Variants in HSF2 observed in about 807,000 individuals in gnomAD.
HSF2 encodes heat shock transcription factor 2.
Under a neutral mutation model 65.0 loss-of-function variants are expected in HSF2, and 21 were observed. That is an observed-to-expected ratio of 0.32 (90% CI 0.23 to 0.47). The LOEUF is 0.47. HSF2 is among the 20% of genes least tolerant of loss of function. The pLI is 1.00. For synonymous variants in HSF2, 225 were observed against 219.1 expected, an observed-to-expected ratio of 1.03 and a Z score of -0.24; for missense variants, 499 against 628.1, an observed-to-expected ratio of 0.79 and a Z score of 2.20.
At chr6:122,426,147 T>A (rs1402326277) in intron 10 of HSF2, among the ~76,000 whole-genome samples, 1 of 152,090 alleles carries the variant, frequency 6.6e-6, no homozygotes, top group Non-Finnish European at 1.5e-5. Flanking sequence ...TATTTTATCC[T>A]TGAATTACGC....
At chr6:122,413,218 G>C (rs1414897949) in intron 3 of HSF2, among the ~76,000 whole-genome samples, 1 of 151,974 alleles carries the variant, frequency 6.6e-6, no homozygotes, top group African/African-American at 2.4e-5. Context: ...TGTGGAATGT[G>C]GTAATAAAGA....
intron 11 of HSF2, among the ~76,000 whole-genome samples, chr6:122,429,621 T>C (rs1371932360): frequency 6.6e-6 from 1 of 152,162 alleles, no homozygotes; most frequent in Non-Finnish European, 1.5e-5. Context: ...TGAAATCTCA[T>C]TCAGTATGAT....
Position 122,432,077 on chromosome 6 carries a change from A to G in HSF2, c.1468A>G (p.Ser490Gly). 6.2e-7 allele frequency: 1 copy of G among 1,614,130 alleles called. No homozygotes were observed. The highest frequency in any genetic ancestry group is 1.1e-5 in the South Asian group (1 of 91,082). The change falls in exon 13 of 13, where the codon AGC becomes GGC. Residue 490 changes from serine to glycine, a missense_variant. By Grantham distance (56) the Ser-to-Gly change is moderately conservative (BLOSUM62 0). Around this residue, in one of 2 missense-constraint regions of HSF2, gnomAD observed 349 missense variants for 393.5 expected, o/e 0.89. Coordinates refer to ENST00000368455, the MANE Select transcript of HSF2 (RefSeq NM_004506.4). ...PIEVDELLDSSLDPEPTQSKL... is the reference protein window; with the variant it reads ...PIEVDELLDSGLDPEPTQSKL... Reference sequence around the variant, plus strand: ...AGAAGTTGATGAGCTTCTGGATAGCAGCCTAGACCCAGAACCAACCCAAAG... The same window carrying G: ...AGAAGTTGATGAGCTTCTGGATAGCGGCCTAGACCCAGAACCAACCCAAAG...
Position 122,423,704 on chromosome 6 carries a change from T to C in HSF2, c.1176+18T>C, listed in dbSNP as rs1171748960. ...TGGTTGATGTAGGTACTTTGGGTAA[T>C]CTTTGCTATACTGGTAGTTTGTGTG... On this transcript the variant is annotated intron_variant, in intron 10 of 12. Transcript: ENST00000368455. The C allele has an allele frequency of 3.6e-6, 5 of 1,390,120 alleles. No homozygotes were observed. The highest frequency in any genetic ancestry group is 5.1e-6 in the Non-Finnish European group (5 of 981,128). 86.1% of individuals were successfully genotyped at this position (1,390,120 alleles called of 1,614,324 possible).
chr6:122,418,779 T>C (rs1011799647), intron 5 of HSF2, among the ~76,000 whole-genome samples: 2 of 152,064 alleles, frequency 1.3e-5, no homozygotes, highest in African/African-American at 4.8e-5. Flanking sequence ...GCCCATCACC[T>C]TTTTCTAACT....
Position 122,432,561 on chromosome 6 carries a change from C to T in HSF2, c.*341C>T. 1 of 224,348 alleles carries T rather than the reference C, an allele frequency of 4.5e-6. No individual in the cohort carries two copies. The highest frequency in any genetic ancestry group is 6.7e-5 in the South Asian group (1 of 14,952). 13.9% of individuals were successfully genotyped at this position (224,348 alleles called of 1,614,324 possible). A position where few individuals can be genotyped will look rare whatever the true frequency, so the allele number is the denominator to read the frequency against. ...TTTTTGTTTGTTTTCCTGTTTGATG[C>T]TGTCTATTTGCATTGAGTGTAAGTC... On this transcript the variant is annotated 3_prime_UTR_variant, in exon 13 of 13. Coordinates refer to ENST00000368455, the MANE Select transcript of HSF2 (RefSeq NM_004506.4).
intron 10 of HSF2, 74 bp downstream of exon 10, chr6:122,423,760 CATTTT>C (rs1193574980): frequency 2.7e-6 from 2 of 736,892 alleles, no homozygotes; most frequent in Non-Finnish European, 4.3e-6. Flanking sequence ...ACCAGTACGT[CATTTT>C]GTTTTGTATT....
At chr6:122,419,014 G>T (rs1241280322) in intron 5 of HSF2, among the ~76,000 whole-genome samples, 154 bp from the exon 6 acceptor site, 1 of 152,124 alleles carries the variant, frequency 6.6e-6, no homozygotes, top group African/African-American at 2.4e-5. Context: ...TTAGACGGTG[G>T]TTCTACGGTG....
intron 1 of HSF2, among the ~76,000 whole-genome samples, chr6:122,404,591 T>C (rs113011564): frequency 1.4e-3 from 212 of 148,248 alleles, no homozygotes; most frequent in African/African-American, 5.0e-3. Flanking sequence ...CTAACAAGAG[T>C]GCCAAAATTA....
chr6:122,411,239 A>C (rs572674), intron 1 of HSF2, among the ~76,000 whole-genome samples: 122,307 of 151,616 alleles, frequency 0.81, 49,495 homozygotes, highest in South Asian at 0.92. Context: ...TGCTTATTGG[A>C]AGTTTGTATA....
At chr6:122,431,791 G>T (rs769632438) in intron 12 of HSF2, 134 bp from the exon 13 acceptor site, 2 of 714,068 alleles carry the variant, frequency 2.8e-6, no homozygotes, top group Non-Finnish European at 2.4e-6. Flanking sequence ...TTGACATAGT[G>T]CATCATGTCA....
intron 10 of HSF2, among the ~76,000 whole-genome samples, chr6:122,424,544 T>G (rs1041530665): frequency 1.3e-5 from 2 of 152,130 alleles, no homozygotes; most frequent in African/African-American, 4.8e-5. Flanking sequence ...ATTACTCCTC[T>G]GCTTCTCACC....
chr6:122,414,950 A>AT (rs1774090664), intron 4 of HSF2, among the ~76,000 whole-genome samples: 1 of 152,282 alleles, frequency 6.6e-6, no homozygotes, highest in African/African-American at 2.4e-5. Context: ...AGATAACAAC[A>AT]TTTTTTAATT....
intron 5 of HSF2, among the ~76,000 whole-genome samples, chr6:122,417,049 A>G (rs982277714): frequency 6.6e-6 from 1 of 152,164 alleles, no homozygotes; most frequent in African/African-American, 2.4e-5. Context: ...AACTAAAAAT[A>G]GGGTTGTGAC....
At chr6:122,407,639 G>A (rs567267519) in intron 1 of HSF2, among the ~76,000 whole-genome samples, 15 of 151,132 alleles carry the variant, frequency 9.9e-5, no homozygotes, top group Non-Finnish European at 7.4e-5. Flanking sequence ...CTACATATTC[G>A]AGTTTATGTT....
chr6:122,414,385 C>T (rs1774074764), intron 4 of HSF2, among the ~76,000 whole-genome samples: 1 of 152,152 alleles, frequency 6.6e-6, no homozygotes, highest in Admixed American at 6.6e-5. Flanking sequence ...TGAGACGTTA[C>T]TTTAGTTAAT....
intron 1 of HSF2, among the ~76,000 whole-genome samples, chr6:122,403,199 T>C (rs1188407913): frequency 6.6e-6 from 1 of 152,182 alleles, no homozygotes; most frequent in Admixed American, 6.5e-5. Flanking sequence ...AGGGAAATAA[T>C]ACCTCTCACC....
At chr6:122,421,614 T>C (rs897883724) in intron 7 of HSF2, among the ~76,000 whole-genome samples, 1 of 152,040 alleles carries the variant, frequency 6.6e-6, no homozygotes, top group African/African-American at 2.4e-5. Flanking sequence ...GTAGCCTGAA[T>C]ATATCTGTAG....
intron 9 of HSF2, 34 bp from the exon 10 acceptor site, chr6:122,423,547 T>C: frequency 1.7e-6 from 2 of 1,166,678 alleles, no homozygotes; most frequent in Non-Finnish European, 1.2e-6. Flanking sequence ...CAAGGATATC[T>C]AATATTTGAT....
Sources: gnomAD v4.1 joint callset for allele counts (sites outside exome capture counted in the v4.1 genomes callset) on GRCh38, gnomAD v4.1.1 for gene constraint, gnomAD v4.1.1 regional missense constraint, MANE v1.5 for transcripts, NCBI Gene and HGNC (gene_info 2026-07-23, HGNC 2026-07-21) for gene names.